The following LPAR1 variants were observed in gnomAD, a reference collection of about 807,000 sequenced individuals.
The protein encoded by LPAR1 is LPA receptor 1.
A neutral mutation model predicts 23.8 loss-of-function variants in LPAR1; 5 were observed. That is an observed-to-expected ratio of 0.21 (90% CI 0.11 to 0.44). The LOEUF is 0.44. Among genes scored for constraint, LPAR1 ranks in the 20% least tolerant of loss-of-function variants. The pLI is 0.99. For synonymous variants in LPAR1, 160 were observed against 164.7 expected (o/e 0.97, Z 0.22); for missense variants, 311 against 482.8 (o/e 0.64, Z 3.33).
At chr9:110,940,452 T>G (rs1564110064) in intron 5 of LPAR1, among the ~76,000 whole-genome samples, 2 of 152,134 alleles carry the variant, frequency 1.3e-5, no homozygotes, top group Non-Finnish European at 1.5e-5. Context: ...TGAATTTCTG[T>G]GGGGAAAGAG....
chr9:110,884,548 G>A (rs959414825), intron 5 of LPAR1, among the ~76,000 whole-genome samples: 2 of 152,146 alleles, frequency 1.3e-5, no homozygotes, highest in Non-Finnish European at 2.9e-5. Context: ...AAAAAAATAA[G>A]TGAAAGAAAG....
rs963891390 is a variant in LPAR1 at position 111,038,209 on chromosome 9, G to T, written c.-304C>A. Reference sequence around the variant, plus strand: ...GCGCGTCCCTCTCCTGCCGCCCCCGGGCTGGCTTCAGGCCGCGCGCCCAGT... The same window carrying T: ...GCGCGTCCCTCTCCTGCCGCCCCCGTGCTGGCTTCAGGCCGCGCGCCCAGT... On this transcript the variant is annotated 5_prime_UTR_variant, in exon 1 of 6. Coordinates refer to ENST00000683809, the MANE Select transcript of LPAR1 (RefSeq NM_001351411.2). This position sits in a 1 kb window ranked among gnomAD's most constrained non-coding sequence, Gnocchi z 4.4. The T allele has an allele frequency of 2.0e-5, 3 of 149,354 alleles. No individual in the cohort carries two copies. Among genetic ancestry groups the T allele is most frequent in the Admixed American group, 6.7e-5 (1 of 14,998 alleles). 9.3% of individuals were successfully genotyped at this position (149,354 alleles called of 1,614,324 possible). A position where few individuals can be genotyped will look rare whatever the true frequency, so the allele number is the denominator to read the frequency against.
chr9:110,892,831 AGGCAGGC>A (rs1564386615), intron 5 of LPAR1, among the ~76,000 whole-genome samples: 94 of 60,498 alleles, frequency 1.6e-3, no homozygotes, highest in Middle Eastern at 8.8e-3. Context: ...GAAGGAAGGC[AGGCAGGC>A]AGGCAGGCAG....
At chr9:111,005,546 CAAAAAAAAAAA>C (rs60143050) in intron 2 of LPAR1, among the ~76,000 whole-genome samples, 13,126 of 70,400 alleles carry the variant, frequency 0.19, 786 homozygotes, top group Non-Finnish European at 0.23. Context: ...GACCCTGTCT[CAAAAAAAAAAA>C]AAAAAAAAAA....
At chr9:110,971,990 G>T in intron 4 of LPAR1, 83 bp downstream of exon 4, 1 of 1,182,552 alleles carries the variant, frequency 8.5e-7, no homozygotes, top group Non-Finnish European at 1.3e-6. Flanking sequence ...GATCCCTAGA[G>T]TCAAATACAC....
chr9:110,954,805 C>G (rs1004156302), intron 4 of LPAR1, among the ~76,000 whole-genome samples: 1 of 152,130 alleles, frequency 6.6e-6, no homozygotes, highest in Non-Finnish European at 1.5e-5. Context: ...CCCAAACAAG[C>G]AAAAGCTGAG....
chr9:110,894,468 T>C (rs905532220), intron 5 of LPAR1, among the ~76,000 whole-genome samples: 1 of 152,226 alleles, frequency 6.6e-6, no homozygotes, highest in Non-Finnish European at 1.5e-5. Context: ...TGGGTTCCCT[T>C]CATTTCTTTC....
At chr9:110,983,706 A>T (rs2096721310) in intron 2 of LPAR1, among the ~76,000 whole-genome samples, 2 of 152,078 alleles carry the variant, frequency 1.3e-5, no homozygotes, top group South Asian at 4.1e-4. Context: ...TATGAAGTAA[A>T]TGATAAGTGC....
chr9:110,902,707 G>A (rs2133917865), intron 5 of LPAR1, among the ~76,000 whole-genome samples: 1 of 152,250 alleles, frequency 6.6e-6, no homozygotes, highest in South Asian at 2.1e-4. Context: ...GAAACAGCAG[G>A]TGGCTTGCAG....
chr9:110,991,877 G>A (rs2096902367), intron 2 of LPAR1, among the ~76,000 whole-genome samples: 1 of 152,112 alleles, frequency 6.6e-6, no homozygotes, highest in Non-Finnish European at 1.5e-5. Context: ...ACAGGCGTGA[G>A]CCACCACTCC....
intron 5 of LPAR1, among the ~76,000 whole-genome samples, chr9:110,896,966 T>A (rs901088501): frequency 2.4e-4 from 36 of 152,068 alleles, no homozygotes; most frequent in Admixed American, 6.6e-4. Context: ...TTTTTGTATT[T>A]TTAGTAGAGA....
intron 5 of LPAR1, among the ~76,000 whole-genome samples, chr9:110,931,590 C>T (rs1048667576): frequency 6.6e-6 from 1 of 152,182 alleles, no homozygotes; most frequent in Non-Finnish European, 1.5e-5. Context: ...ACATGAAGTC[C>T]TTGCCCATGC....
At chr9:110,975,469 A>G (rs1476987309) in intron 2 of LPAR1, among the ~76,000 whole-genome samples, 1 of 152,210 alleles carries the variant, frequency 6.6e-6, no homozygotes, top group African/African-American at 2.4e-5. Flanking sequence ...TTGTGAGGTT[A>G]TGCAACATAC....
At chr9:111,033,542 T>C (rs1260409359) in intron 2 of LPAR1, among the ~76,000 whole-genome samples, 1 of 151,012 alleles carries the variant, frequency 6.6e-6, no homozygotes, top group Non-Finnish European at 1.5e-5. Flanking sequence ...CCACCTTCTT[T>C]TTCTTTTTCT....
At chr9:110,933,165 T>C (rs1484823740) in intron 5 of LPAR1, among the ~76,000 whole-genome samples, 1 of 152,184 alleles carries the variant, frequency 6.6e-6, no homozygotes, top group Non-Finnish European at 1.5e-5. Flanking sequence ...AGGCCATTCA[T>C]TCGGGATAAA....
At chr9:110,995,089 G>A (rs2096970637) in intron 2 of LPAR1, among the ~76,000 whole-genome samples, 1 of 152,122 alleles carries the variant, frequency 6.6e-6, no homozygotes, top group Non-Finnish European at 1.5e-5. Flanking sequence ...TCTGTTTCCA[G>A]GATACATGTC....
At chr9:111,026,279 C>G (rs2097689979) in intron 2 of LPAR1, among the ~76,000 whole-genome samples, 1 of 152,130 alleles carries the variant, frequency 6.6e-6, no homozygotes. Flanking sequence ...ATTTTATTCT[C>G]TTTGTAGCAA....
intron 2 of LPAR1, among the ~76,000 whole-genome samples, chr9:111,000,741 A>G (rs1005470370): frequency 6.6e-6 from 1 of 152,106 alleles, no homozygotes; most frequent in Admixed American, 6.5e-5. Context: ...GCAGAAATAC[A>G]TTTTCCATTA....
chr9:110,923,226 GTTA>G (rs1197297673), intron 5 of LPAR1, among the ~76,000 whole-genome samples: 1 of 152,160 alleles, frequency 6.6e-6, no homozygotes, highest in Non-Finnish European at 1.5e-5. Flanking sequence ...ATGAAAACAA[GTTA>G]TGTATCATGT....
Sources: allele counts gnomAD v4.1 joint callset (sites outside exome capture counted in the v4.1 genomes callset), GRCh38; gene constraint gnomAD v4.1.1; non-coding constraint Gnocchi (gnomAD v3.1); transcripts MANE v1.5; gene names NCBI Gene and HGNC (gene_info 2026-07-23, HGNC 2026-07-21).